The following PRORP variants were observed in gnomAD, a reference collection of about 807,000 sequenced individuals.
PRORP encodes the protein mitochondrial ribonuclease P catalytic subunit.
PRORP carries 51 observed loss-of-function variants against 59.4 expected under a neutral mutation model. The ratio of observed to expected loss-of-function variants is 0.86; its 90% CI spans 0.69 to 1.08. The LOEUF is 1.08. Ranked by LOEUF, PRORP falls within the 50% of genes least tolerant of loss-of-function variation. The pLI is 0.00. For missense variants in PRORP, 646 were observed against 690.3 expected, an observed-to-expected ratio of 0.94 and a Z score of 0.72; for synonymous variants, 231 against 245.6, an observed-to-expected ratio of 0.94 and a Z score of 0.55.
chr14:35,218,287 C>A (rs1475712147), intron 5 of PRORP, among the ~76,000 whole-genome samples: 1 of 151,282 alleles, frequency 6.6e-6, no homozygotes, highest in Non-Finnish European at 1.5e-5. Context: ...TAGTAAGACC[C>A]TGTCTCTACA....
intron 5 of PRORP, among the ~76,000 whole-genome samples, chr14:35,246,160 T>C (rs929938641): frequency 6.6e-6 from 1 of 152,182 alleles, no homozygotes; most frequent in African/African-American, 2.4e-5. Flanking sequence ...TTTTAAAATT[T>C]TACGGTGCTG....
At chr14:35,239,136 T>C (rs1470008604) in intron 5 of PRORP, among the ~76,000 whole-genome samples, 3 of 151,812 alleles carry the variant, frequency 2.0e-5, no homozygotes, top group African/African-American at 7.3e-5. Flanking sequence ...CGGGCGGATC[T>C]CTTGAGGTCA....
At chr14:35,258,068 AAT>A (rs1460296969) in intron 5 of PRORP, among the ~76,000 whole-genome samples, 1 of 152,140 alleles carries the variant, frequency 6.6e-6, no homozygotes, top group African/African-American at 2.4e-5. Context: ...AAAAAAAAAA[AAT>A]CTCTTATCTC....
rs552351058 is a variant in PRORP at position 35,187,953 on chromosome 14, C to T, written c.1275+7176C>T. Among the ~76,000 whole-genome samples the T allele has an allele frequency of 6.0e-5, 9 of 149,950 alleles. No individual in the cohort carries two copies. In the East Asian group the frequency reaches 1.6e-3, roughly 26 times the overall value. On this transcript the variant is annotated intron_variant, in intron 5 of 7. Coordinates refer to ENST00000534898, the MANE Select transcript of PRORP (RefSeq NM_014672.4). The stretch of plus-strand genomic sequence containing the variant: ...ACAACCTCCACCTCCTGGGTGCAAG[C>T]GATTTTCCTGCCTCAGCCTCCTGAG...
intron 4 of PRORP, among the ~76,000 whole-genome samples, chr14:35,152,397 C>T (rs957509150): frequency 6.6e-6 from 1 of 152,244 alleles, no homozygotes; most frequent in African/African-American, 2.4e-5. Context: ...CTTTTCTATT[C>T]CACAAAACCG....
chr14:35,266,938 A>G, intron 6 of PRORP, 63 bp downstream of exon 6: 1 of 1,556,914 alleles, frequency 6.4e-7, no homozygotes, highest in South Asian at 1.1e-5. Context: ...CTTGTTAGTT[A>G]CCTACTTTAA....
intron 4 of PRORP, among the ~76,000 whole-genome samples, chr14:35,164,075 T>C (rs1333034524): frequency 6.6e-6 from 1 of 152,194 alleles, no homozygotes; most frequent in African/African-American, 2.4e-5. Context: ...AAATCAGTTG[T>C]ATGTGAGTGT....
rs1017553254 is a variant in PRORP at position 35,270,443 on chromosome 14, C to T, written c.1467C>T (p.Ser489=). ...DPFLLYATLH[S]GNHCRFITRD... The stretch of plus-strand genomic sequence containing the variant: ...TCCTTCTGTATGCCACACTGCACTC[C>T]GGGAATCACTGCAGGTTTATCACAA... The change falls in exon 7 of 8, where the codon TCC becomes TCT. Residue 489 remains serine, a synonymous_variant. Coordinates refer to ENST00000534898, the MANE Select transcript of PRORP (RefSeq NM_014672.4). The T allele has an allele frequency of 9.3e-6, 15 of 1,613,940 alleles. No individual in the cohort carries two copies. The highest frequency in any genetic ancestry group is 3.3e-5 in the South Asian group (3 of 91,084).
intron 5 of PRORP, among the ~76,000 whole-genome samples, chr14:35,220,314 G>A (rs1184736417): frequency 5.3e-5 from 8 of 152,202 alleles, no homozygotes; most frequent in Non-Finnish European, 5.9e-5. Context: ...AACTCTAAAG[G>A]TTAAAAATTA....
At chr14:35,248,908 G>A (rs1415308778) in intron 5 of PRORP, among the ~76,000 whole-genome samples, 1 of 152,156 alleles carries the variant, frequency 6.6e-6, no homozygotes, top group Non-Finnish European at 1.5e-5. Flanking sequence ...GTAGAAAACC[G>A]CACTGGACTA....
intron 5 of PRORP, chr14:35,262,721 C>T (rs552755854): frequency 1.2e-6 from 1 of 862,140 alleles, no homozygotes; most frequent in Non-Finnish European, 2.0e-6. Flanking sequence ...CACTGGGCTT[C>T]CATTACAGGA....
chr14:35,210,602 A>G (rs1262918038), intron 5 of PRORP, among the ~76,000 whole-genome samples: 1 of 151,540 alleles, frequency 6.6e-6, no homozygotes, highest in African/African-American at 2.4e-5. Flanking sequence ...AGTATCAGTT[A>G]TCTTGAAAAT....
intron 4 of PRORP, among the ~76,000 whole-genome samples, chr14:35,153,178 A>G (rs1319734264): frequency 6.6e-6 from 1 of 152,246 alleles, no homozygotes; most frequent in Non-Finnish European, 1.5e-5. Flanking sequence ...ACTCGCGGTT[A>G]GGAGTTGGAG....
In PRORP at chr14:35,259,062, A is replaced by G. The variant is rs114857836; in HGVS notation, c.1276-7665A>G. ...TGAGAGAGGAGTGTTGAGGTTTCCA[A>G]CTGTAGTTGTAGATTTGGCTATTTC... is the stretch of plus-strand genomic sequence containing the variant. On this transcript the variant is annotated intron_variant, in intron 5 of 7. Transcript: ENST00000534898. 1.1e-3 allele frequency among the ~76,000 whole-genome samples: 169 copies of G among 152,232 alleles called. 1 individual carries two copies. Among genetic ancestry groups the G allele is most frequent in the African/African-American group, 3.8e-3 (156 of 41,552 alleles).
chr14:35,129,223 C>G (rs1009090298), intron 4 of PRORP, among the ~76,000 whole-genome samples: 3 of 151,866 alleles, frequency 2.0e-5, no homozygotes, highest in Non-Finnish European at 4.4e-5. Flanking sequence ...AAAAAAGATG[C>G]ATATTTAGGT....
intron 4 of PRORP, among the ~76,000 whole-genome samples, chr14:35,137,491 A>G (rs1426203681): frequency 1.4e-5 from 2 of 144,766 alleles, no homozygotes; most frequent in Non-Finnish European, 3.1e-5. Context: ...AGTGGTATAC[A>G]AGATGAGAGA....
At chr14:35,203,061 T>A (rs1457636352) in intron 5 of PRORP, among the ~76,000 whole-genome samples, 7 of 152,246 alleles carry the variant, frequency 4.6e-5, no homozygotes, top group African/African-American at 1.4e-4. Flanking sequence ...AAGGTTTTTT[T>A]AAAATAATCT....
chr14:35,210,189 T>G (rs960564858), intron 5 of PRORP, among the ~76,000 whole-genome samples: 1 of 152,218 alleles, frequency 6.6e-6, no homozygotes, highest in African/African-American at 2.4e-5. Context: ...AATTGAAGTT[T>G]TTATTTTATT....
chr14:35,145,350 A>G (rs1016805056), intron 4 of PRORP, among the ~76,000 whole-genome samples: 6 of 144,484 alleles, frequency 4.2e-5, no homozygotes, highest in Non-Finnish European at 7.7e-5. Flanking sequence ...TCCTGATTAT[A>G]ATATTTATTA....
Sources: allele counts gnomAD v4.1 joint callset (sites outside exome capture counted in the v4.1 genomes callset), GRCh38; gene constraint gnomAD v4.1.1; transcripts MANE v1.5; gene names NCBI Gene and HGNC (gene_info 2026-07-23, HGNC 2026-07-21).